CA13: variants seen among roughly 807,000 people sequenced by gnomAD.
CA13 encodes the protein carbonic anhydrase 13, also known as CA-XIII.
CA13 carries 21 observed loss-of-function variants against 31.5 expected under a neutral mutation model. The ratio of observed to expected loss-of-function variants is 0.67; its 90% CI spans 0.47 to 0.96. CA13 has a LOEUF of 0.96. CA13 is among the 40% of genes least tolerant of loss of function. The pLI is 0.00. For synonymous variants in CA13, 117 were observed against 111.4 expected (o/e 1.05, Z -0.32); for missense variants, 315 against 318.9 (o/e 0.99, Z 0.09).
In CA13 at chr8:85,253,597, C is replaced by G. The variant is rs556776312; in HGVS notation, c.235+2660C>G. ...AAGCATTGTAAAAAATGCATAAAGA[C>G]AAATAAATACATGGTATTTTCAACT... On this transcript the variant is annotated intron_variant, in intron 2 of 6. Transcript: ENST00000321764. 4.6e-5 allele frequency among the ~76,000 whole-genome samples: 7 copies of G among 152,224 alleles called. No individual in the cohort carries two copies. The South Asian group carries it at 1.5e-3, about 32-fold the overall frequency.
chr8:85,263,346 G>C (rs1434903456), intron 3 of CA13, among the ~76,000 whole-genome samples: 2 of 152,152 alleles, frequency 1.3e-5, no homozygotes, highest in Non-Finnish European at 2.9e-5. Context: ...TTGATCAGGG[G>C]AATGACATGT....
intron 6 of CA13, among the ~76,000 whole-genome samples, chr8:85,280,271 T>A (rs919837804): frequency 2.6e-5 from 4 of 152,180 alleles, no homozygotes; most frequent in African/African-American, 9.7e-5. Context: ...ACAGCAAGAC[T>A]CTGTCTCAAA....
chr8:85,268,449 G>A lies in CA13; in HGVS notation c.514-23G>A, dbSNP rs960374520. 7 of 1,612,840 alleles carry A rather than the reference G, an allele frequency of 4.3e-6. No homozygotes were observed. In the African/African-American group the frequency reaches 8.0e-5, roughly 18 times the overall value. On this transcript the variant is annotated intron_variant, in intron 5 of 6. Transcript: ENST00000321764. ...GTAGAGCTATCCCATTGTAATTTGT[G>A]GGAATTCTTTTTGATCCTCCAGGGT...
intron 6 of CA13, among the ~76,000 whole-genome samples, chr8:85,273,241 C>A (rs1036460179): frequency 2.0e-5 from 3 of 152,182 alleles, no homozygotes; most frequent in African/African-American, 7.2e-5. Flanking sequence ...GTTTTTCTAA[C>A]TTTAGGTATT....
At chr8:85,256,562 A>C (rs1807300099) in intron 2 of CA13, among the ~76,000 whole-genome samples, 1 of 152,208 alleles carries the variant, frequency 6.6e-6, no homozygotes, top group Middle Eastern at 3.2e-3. Flanking sequence ...TATATTCTTA[A>C]AACAAAAACA....
At chr8:85,276,334 C>T (rs887394010) in intron 6 of CA13, among the ~76,000 whole-genome samples, 1 of 152,182 alleles carries the variant, frequency 6.6e-6, no homozygotes, top group African/African-American at 2.4e-5. Context: ...CTGTGCGGCC[C>T]GAGCTTCCCC....
intron 2 of CA13, 41 bp downstream of exon 2, chr8:85,250,978 G>C (rs948675431): frequency 7.0e-7 from 1 of 1,430,782 alleles, no homozygotes; most frequent in Non-Finnish European, 9.8e-7. Context: ...GTGGATGAAG[G>C]GTTTGAATGA....
rs369308815 is a variant in CA13, at chr8:85,277,336, C to T, written c.670-3894C>T. ...GGAGGAGCGAACAACTCCAGACATG[C>T]GCGGCCTTAAGAGCTGTAACACTCA... On this transcript the variant is annotated intron_variant, in intron 6 of 6. Transcript: ENST00000321764. Among the ~76,000 whole-genome samples the T allele has an allele frequency of 9.9e-5, 15 of 151,872 alleles. 1 individual carries two copies. Among genetic ancestry groups the T allele is most frequent in the Middle Eastern group, 3.4e-3 (1 of 292 alleles).
At chr8:85,280,595 A>G (rs1357475864) in intron 6 of CA13, among the ~76,000 whole-genome samples, 1 of 152,142 alleles carries the variant, frequency 6.6e-6, no homozygotes, top group African/African-American at 2.4e-5. Flanking sequence ...AACACCAAAG[A>G]TTTTCTTTTA....
chr8:85,276,129 C>T (rs1179916116), intron 6 of CA13, among the ~76,000 whole-genome samples: 4 of 152,030 alleles, frequency 2.6e-5, no homozygotes, highest in African/African-American at 7.2e-5. Context: ...TCCGGGTGGG[C>T]GTGGGCTCGG....
chr8:85,277,162 C>T (rs553425547), intron 6 of CA13, among the ~76,000 whole-genome samples: 8 of 152,314 alleles, frequency 5.3e-5, no homozygotes, highest in Non-Finnish European at 1.2e-4. Flanking sequence ...AGGTCTTCTT[C>T]CACACCGTGG....
At chr8:85,268,088 A>G (rs1420300711) in intron 5 of CA13, 124 bp downstream of exon 5, 2 of 610,884 alleles carry the variant, frequency 3.3e-6, no homozygotes, top group African/African-American at 1.9e-5. Context: ...GATGAAAAAA[A>G]GCAGAAGTAA....
chr8:85,264,931 T>A (rs1431973024), intron 3 of CA13, among the ~76,000 whole-genome samples: 2 of 152,254 alleles, frequency 1.3e-5, no homozygotes, highest in African/African-American at 4.8e-5. Flanking sequence ...AGGAATCTAC[T>A]TTTATATTGC....
At chr8:85,266,552 T>A in intron 3 of CA13, 56 bp from the exon 4 acceptor site, 1 of 1,323,630 alleles carries the variant, frequency 7.6e-7, no homozygotes, top group Admixed American at 1.8e-5. Flanking sequence ...TTTGCATTTA[T>A]GTTTTTCAGG....
At chr8:85,261,124 A>G (rs1358044308) in intron 3 of CA13, among the ~76,000 whole-genome samples, 1 of 152,036 alleles carries the variant, frequency 6.6e-6, no homozygotes, top group African/African-American at 2.4e-5. Context: ...TTATTTATTT[A>G]TTTATTTTAA....
chr8:85,254,509 G>A (rs757901821), intron 2 of CA13, among the ~76,000 whole-genome samples: 1 of 151,756 alleles, frequency 6.6e-6, no homozygotes, highest in Admixed American at 6.6e-5. Context: ...ATCAATTTAT[G>A]TTTCCAGATT....
At chr8:85,264,666 T>G (rs1807432205) in intron 3 of CA13, among the ~76,000 whole-genome samples, 1 of 152,234 alleles carries the variant, frequency 6.6e-6, no homozygotes, top group Non-Finnish European at 1.5e-5. Flanking sequence ...TACACATTCA[T>G]TTTTTAATCA....
Position 85,281,649 on chromosome 8 carries a change from AC to A in CA13, c.*302del. 1 of 321,788 alleles carries A rather than the reference AC, an allele frequency of 3.1e-6. No individual in the cohort carries two copies. The highest frequency in any genetic ancestry group is 4.8e-6 in the Non-Finnish European group (1 of 209,392). 19.9% of individuals were successfully genotyped at this position (321,788 alleles called of 1,614,324 possible). ...CACCTCAGCCTCCAGAGTAAGTAGG[AC>A]CACAGGCATGCACAAGCATGCCTGG... On this transcript the variant is annotated 3_prime_UTR_variant, in exon 7 of 7. Transcript: ENST00000321764.
intron 3 of CA13, among the ~76,000 whole-genome samples, chr8:85,265,858 TG>T (rs1228400045): frequency 1.3e-5 from 2 of 152,244 alleles, no homozygotes; most frequent in Admixed American, 1.3e-4. Context: ...CATGATTACA[TG>T]ATTACTCATA....
Sources: allele counts gnomAD v4.1 joint callset (sites outside exome capture counted in the v4.1 genomes callset), GRCh38; gene constraint gnomAD v4.1.1; transcripts MANE v1.5; gene names NCBI Gene and HGNC (gene_info 2026-07-23, HGNC 2026-07-21).